Variants in AMH observed in about 807,000 individuals in gnomAD.
AMH encodes anti-Mullerian hormone.
In AMH, 39 loss-of-function variants were observed where a neutral mutation model predicts 33.3. The ratio of observed to expected loss-of-function variants is 1.17; its 90% CI spans 0.91 to 1.53. The LOEUF is 1.53. Ranked by LOEUF, AMH falls within the 40% of genes most tolerant of loss-of-function variation. The pLI is 0.00. For synonymous variants in AMH, 536 were observed against 403.0 expected, an observed-to-expected ratio of 1.33 and a Z score of -3.95; for missense variants, 1,019 against 799.8, an observed-to-expected ratio of 1.27 and a Z score of -3.30.
In AMH at chr19:2,251,254, T is replaced by G. The variant is rs1041428114; in HGVS notation, c.980T>G (p.Leu327Arg). 1.3e-6 allele frequency: 2 copies of G among 1,505,122 alleles called. No homozygotes were observed. Among genetic ancestry groups the G allele is most frequent in the Non-Finnish European group, 1.8e-6 (2 of 1,134,812 alleles). 93.2% of individuals were successfully genotyped at this position (1,505,122 alleles called of 1,614,324 possible). ...GCGCTGGCCGGCTTCCCGCAGGGCC[T>G]AGTCAACCTGTCGGACCCCGCGGCG... ...PDALAGFPQG[L>R]VNLSDPAALE... Residue 327 changes from leucine to arginine, a missense_variant, in exon 5 of 5, where the codon CTA (leucine) becomes CGA (arginine). Physicochemically the swap from Leu to Arg is moderately radical, Grantham distance 102. Coordinates refer to ENST00000221496, the MANE Select transcript of AMH (RefSeq NM_000479.5).
chr19:2,250,519 G>A (rs1396469823), intron 2 of AMH, 40 bp downstream of exon 2: 16 of 1,542,756 alleles, frequency 1.0e-5, no homozygotes, highest in Non-Finnish European at 1.4e-5. Flanking sequence ...GGGCCGTGGC[G>A]GGGGGCATGG....
chr19:2,249,739 A>T lies in AMH; in HGVS notation c.407A>T (p.Glu136Val). The T allele has an allele frequency of 6.7e-7, 1 of 1,503,214 alleles. No individual in the cohort carries two copies. Among genetic ancestry groups the T allele is most frequent in the African/African-American group, 1.4e-5 (1 of 71,588 alleles). 93.1% of individuals were successfully genotyped at this position (1,503,214 alleles called of 1,614,324 possible). A position where few individuals can be genotyped will look rare whatever the true frequency, so the allele number is the denominator to read the frequency against. Reference protein sequence around the residue: ...GGQRLVVLHLEEVTWEPTPSL... With the variant: ...GGQRLVVLHLVEVTWEPTPSL... ...CAGCGCCTGGTGGTCCTACACCTGG[A>T]GGAAGGTATGTGGGGCCCAGCCCCA... The change falls in exon 1 of 5, where the codon GAG (glutamate) becomes GTG (valine). Residue 136 changes from glutamate to valine, a missense_variant. Transcript: ENST00000221496.
At position 2,250,387 on chromosome 19, in the gene AMH, G is replaced by C; in HGVS notation, c.463G>C (p.Gly155Arg). 6.3e-7 allele frequency: 1 copy of C among 1,589,332 alleles called. No individual in the cohort carries two copies. Residue 155 changes from glycine to arginine, a missense_variant, in exon 2 of 5, where the codon GGA becomes CGA. Coordinates refer to ENST00000221496, the MANE Select transcript of AMH (RefSeq NM_000479.5). ...SLRFQEPPPG[G>R]AGPPELALLV... ...GAGGTTCCAGGAGCCCCCGCCTGGAGGAGCTGGCCCCCCAGAGCTGGCGCT... is the reference window on the plus strand; with the variant it reads ...GAGGTTCCAGGAGCCCCCGCCTGGACGAGCTGGCCCCCCAGAGCTGGCGCT...
chr19:2,251,265 T>C lies in AMH; in HGVS notation c.991T>C (p.Ser331Pro), dbSNP rs556078854. 264 of 1,505,426 alleles carry C rather than the reference T, an allele frequency of 1.8e-4. 3 individuals are homozygous for C. The African/African-American group carries it at 3.3e-3, about 19-fold the overall frequency. The allele number at this position is 1,505,426 out of a possible 1,614,324, so 93.3% of individuals were successfully genotyped here. The change falls in exon 5 of 5, where the codon TCG becomes CCG. Residue 331 changes from serine (S) to proline (P), a missense_variant. Coordinates refer to ENST00000221496, the MANE Select transcript of AMH (RefSeq NM_000479.5). ...CTTCCCGCAGGGCCTAGTCAACCTGTCGGACCCCGCGGCGCTGGAGCGCCT... is the reference window on the plus strand; with the variant it reads ...CTTCCCGCAGGGCCTAGTCAACCTGCCGGACCCCGCGGCGCTGGAGCGCCT... ...AGFPQGLVNLSDPAALERLLD... is the reference protein window; with the variant it reads ...AGFPQGLVNLPDPAALERLLD...
rs956890505 is a variant in AMH at position 2,251,529 on chromosome 19, G to T, written c.1255G>T (p.Gly419Cys). The change falls in exon 5 of 5, where the codon GGC becomes TGC. Residue 419 changes from glycine (G) to cysteine (C), a missense_variant. By Grantham distance (159) the Gly-to-Cys change is radical. Coordinates refer to ENST00000221496, the MANE Select transcript of AMH (RefSeq NM_000479.5). Reference sequence around the variant, plus strand: ...CTGCCCAGGTGGCCCCGGCGGCCTCGGCGATCCCCTGCGAGCGCTGCTGCT... The same window carrying T: ...CTGCCCAGGTGGCCCCGGCGGCCTCTGCGATCCCCTGCGAGCGCTGCTGCT... Reference protein sequence around the residue: ...ALCPGGPGGLGDPLRALLLLK... With the variant: ...ALCPGGPGGLCDPLRALLLLK... The T allele has an allele frequency of 7.5e-7, 1 of 1,342,124 alleles. No individual in the cohort carries two copies. Among genetic ancestry groups the T allele is most frequent in the South Asian group, 1.8e-5 (1 of 54,438 alleles). The allele number at this position is 1,342,124 out of a possible 1,614,324, so 83.1% of individuals were successfully genotyped here.
chr19:2,251,185 C>A lies in AMH; in HGVS notation c.911C>A (p.Pro304His), dbSNP rs1021157391. 1 of 1,510,508 alleles carries A rather than the reference C, an allele frequency of 6.6e-7. No individual in the cohort carries two copies. The highest frequency in any genetic ancestry group is 2.6e-5 in the East Asian group (1 of 38,150). The allele number at this position is 1,510,508 out of a possible 1,614,324, so 93.6% of individuals were successfully genotyped here. A position where few individuals can be genotyped will look rare whatever the true frequency, so the allele number is the denominator to read the frequency against. The change falls in exon 5 of 5, where the codon CCC (proline) becomes CAC (histidine). Residue 304 changes from proline (P) to histidine (H), a missense_variant. Physicochemically the swap from Pro to His is moderately conservative, Grantham distance 77. Transcript: ENST00000221496. ...CGCCTGGTGCGGGCGCTGCGGGTCC[C>A]CCCGGCCCGGGCCTCCGCGCCGCGC... is the stretch of plus-strand genomic sequence containing the variant. ...LTRLVRALRVPPARASAPRLA... is the reference protein window; with the variant it reads ...LTRLVRALRVHPARASAPRLA...
rs1251792337 is a variant in AMH, at chr19:2,250,917, A to T, written c.733A>T (p.Met245Leu). 1 of 1,566,656 alleles carries T rather than the reference A, an allele frequency of 6.4e-7. No individual in the cohort carries two copies. Among genetic ancestry groups the T allele is most frequent in the Admixed American group, 1.8e-5 (1 of 55,928 alleles). ...CGACGACCACCGCTGCTTCACACGG[A>T]TGACCCCGGCCCTGCTCCTGCTGCC... is the stretch of plus-strand genomic sequence containing the variant. ...FGDDHRCFTR[M>L]TPALLLLPRS... Residue 245 changes from methionine to leucine, a missense_variant, in exon 4 of 5, where the codon ATG becomes TTG. Transcript: ENST00000221496.
In AMH at chr19:2,250,866, G is replaced by T. The variant is rs758187223; in HGVS notation, c.682G>T (p.Ala228Ser). ...PRGEDSRLST[A>S]RLQALLFGDD... The stretch of plus-strand genomic sequence containing the variant: ...CACCGCAGACTCCCGGCTGAGTACC[G>T]CCCGGCTGCAGGCACTGCTGTTCGG... The change falls in exon 4 of 5, where the codon GCC (alanine) becomes TCC (serine). Residue 228 changes from alanine to serine, a missense_variant. Physicochemically the swap from Ala to Ser is moderately conservative, Grantham distance 99 (BLOSUM62 1). Coordinates refer to ENST00000221496, the MANE Select transcript of AMH (RefSeq NM_000479.5). The T allele has an allele frequency of 6.9e-5, 108 of 1,572,018 alleles. No individual in the cohort carries two copies. The Admixed American group carries it at 1.9e-3, about 27-fold the overall frequency.
chr19:2,249,672 T>C lies in AMH; in HGVS notation c.340T>C (p.Ser114Pro). 1.3e-6 allele frequency: 2 copies of C among 1,504,374 alleles called. No individual in the cohort carries two copies. The highest frequency in any genetic ancestry group is 2.3e-5 in the Admixed American group (1 of 44,140). The allele number at this position is 1,504,374 out of a possible 1,614,324, so 93.2% of individuals were successfully genotyped here. A position where few individuals can be genotyped will look rare whatever the true frequency, so the allele number is the denominator to read the frequency against. ...CGGTGACAGGCAGGCTGCCTTGCCC[T>C]CTCTACGGCGGCTGGGGGCCTGGCT... ...NTGDRQAALP[S>P]LRRLGAWLRD... Residue 114 changes from serine to proline, a missense_variant, in exon 1 of 5, where the codon TCT becomes CCT. Physicochemically the swap from Ser to Pro is moderately conservative, Grantham distance 74. Transcript: ENST00000221496.
intron 1 of AMH, 65 bp downstream of exon 1, chr19:2,249,809 G>T: frequency 7.0e-7 from 1 of 1,427,996 alleles, no homozygotes; most frequent in Non-Finnish European, 9.2e-7. Flanking sequence ...GGTCCTCCTA[G>T]GGAAGATCAG....
Position 2,251,121 on chromosome 19 carries a change from T to A in AMH, c.847T>A (p.Ser283Thr). ...PPRPSAELEE[S>T]PPSADPFLET... is the part of the protein sequence containing the mutation. ...CAGGCCATCCGCGGAACTCGAGGAGTCGCCACCCAGCGCAGACCCCTTCCT... is the reference window on the plus strand; with the variant it reads ...CAGGCCATCCGCGGAACTCGAGGAGACGCCACCCAGCGCAGACCCCTTCCT... The change falls in exon 5 of 5, where the codon TCG becomes ACG. Residue 283 changes from serine to threonine, a missense_variant. Coordinates refer to ENST00000221496, the MANE Select transcript of AMH (RefSeq NM_000479.5). 1.9e-6 allele frequency: 3 copies of A among 1,540,024 alleles called. No homozygotes were observed. Among genetic ancestry groups the A allele is most frequent in the African/African-American group, 1.4e-5 (1 of 71,918 alleles).
Position 2,252,041 on chromosome 19 carries a change from C to T in AMH, c.*84C>T. 1 of 1,511,108 alleles carries T rather than the reference C, an allele frequency of 6.6e-7. No individual in the cohort carries two copies. Among genetic ancestry groups the T allele is most frequent in the Non-Finnish European group, 8.9e-7 (1 of 1,129,686 alleles). The allele number at this position is 1,511,108 out of a possible 1,614,324, so 93.6% of individuals were successfully genotyped here. On this transcript the variant is annotated 3_prime_UTR_variant, in exon 5 of 5. Transcript: ENST00000221496. ...TTCCCATATTTATTCGGACCCCAAG[C>T]ATCGCCCCAATAAAGACCAGCAAGC...
chr19:2,250,271 A>C (rs1220862905), intron 1 of AMH, 66 bp from the exon 2 acceptor site: 1 of 1,544,880 alleles, frequency 6.5e-7, no homozygotes, highest in Non-Finnish European at 8.7e-7. Flanking sequence ...GCAGGGACAG[A>C]TCCCAAAGAT....
At chr19:2,249,947 G>A (rs2025000315) in intron 1 of AMH, 1 of 682,340 alleles carries the variant, frequency 1.5e-6, no homozygotes, top group African/African-American at 1.8e-5. Flanking sequence ...TCTTAGACTT[G>A]CCCCTGCCTC....
At position 2,249,718 on chromosome 19, in the gene AMH, G is replaced by T; in HGVS notation, c.386G>T (p.Arg129Leu). Residue 129 changes from arginine (R) to leucine (L), a missense_variant, in exon 1 of 5, where the codon CGC becomes CTC. By Grantham distance (102) the Arg-to-Leu change is moderately radical. Coordinates refer to ENST00000221496, the MANE Select transcript of AMH (RefSeq NM_000479.5). ...GAWLRDPGGQ[R>L]LVVLHLEEVT... ...TGGCTGCGGGACCCTGGGGGGCAGC[G>T]CCTGGTGGTCCTACACCTGGAGGAA... is the stretch of plus-strand genomic sequence containing the variant. 2 of 1,507,212 alleles carry T rather than the reference G, an allele frequency of 1.3e-6. No homozygotes were observed. Among genetic ancestry groups the T allele is most frequent in the Non-Finnish European group, 1.8e-6 (2 of 1,133,628 alleles). The allele number at this position is 1,507,212 out of a possible 1,614,324, so 93.4% of individuals were successfully genotyped here. A position where few individuals can be genotyped will look rare whatever the true frequency, so the allele number is the denominator to read the frequency against.
chr19:2,251,949 T>C lies in AMH; in HGVS notation c.1675T>C (p.Cys559Arg). ...CAACATGGTGGCCACCGAGTGTGGC[T>C]GCCGGTGACCCCTGCGCCGCGCGGA... ...VPNMVATECG[C>R]R is the part of the protein sequence containing the mutation. The change falls in exon 5 of 5, where the codon TGC (cysteine) becomes CGC (arginine). Residue 559 changes from cysteine to arginine, a missense_variant. Cys to Arg is a radical substitution (Grantham distance 180). Transcript: ENST00000221496. 6.5e-7 allele frequency: 1 copy of C among 1,546,324 alleles called. No homozygotes were observed. Among genetic ancestry groups the C allele is most frequent in the Non-Finnish European group, 8.7e-7 (1 of 1,154,140 alleles).
rs764521397 is a variant in AMH, at chr19:2,250,671, A to G, written c.575A>G (p.Asp192Gly). 1.0e-4 allele frequency: 157 copies of G among 1,539,374 alleles called. 1 individual carries two copies. Among genetic ancestry groups the G allele is most frequent in the Admixed American group, 5.1e-4 (26 of 51,162 alleles). Residue 192 changes from aspartate to glycine, a missense_variant, in exon 3 of 5, where the codon GAC becomes GGC. Asp to Gly is a moderately conservative substitution (Grantham distance 94). Coordinates refer to ENST00000221496, the MANE Select transcript of AMH (RefSeq NM_000479.5). ...PGAQSLCPSR[D>G]TRYLVLAVDR... ...CCGCAGAGCCTCTGCCCCTCCCGAG[A>G]CACCCGCTACCTGGTGTTAGCGGTG...
chr19:2,249,974 C>G (rs1406132142), intron 1 of AMH: 2 of 629,792 alleles, frequency 3.2e-6, no homozygotes, highest in Non-Finnish European at 5.4e-6. Context: ...AGGGAGAGAG[C>G]TGCTGCCTTC....
In AMH at chr19:2,251,613, G is replaced by T; in HGVS notation, c.1339G>T (p.Gly447Cys). 2 of 1,406,918 alleles carry T rather than the reference G, an allele frequency of 1.4e-6. No individual in the cohort carries two copies. The highest frequency in any genetic ancestry group is 1.8e-6 in the Non-Finnish European group (2 of 1,082,398). 87.2% of individuals were successfully genotyped at this position (1,406,918 alleles called of 1,614,324 possible). ...EWRGRDPRGP[G>C]RAQRSAGATA... is the part of the protein sequence containing the mutation. ...GCGCGGGCGGGATCCGCGCGGGCCG[G>T]GTCGGGCACAGCGCAGCGCGGGGGC... Residue 447 changes from glycine (G) to cysteine (C), a missense_variant, in exon 5 of 5, where the codon GGT (glycine) becomes TGT (cysteine). Coordinates refer to ENST00000221496, the MANE Select transcript of AMH (RefSeq NM_000479.5).
Sources: allele counts gnomAD v4.1 joint callset, GRCh38; gene constraint gnomAD v4.1.1; transcripts MANE v1.5; gene names NCBI Gene and HGNC (gene_info 2026-07-23, HGNC 2026-07-21).